The following TBC1D15 variants were observed in gnomAD, a reference collection of about 807,000 sequenced individuals.
The protein encoded by TBC1D15 is GAP for RAB7.
In TBC1D15, 39 loss-of-function variants were observed where a neutral mutation model predicts 95.4. The ratio of observed to expected loss-of-function variants is 0.41; its 90% confidence interval spans 0.32 to 0.53. The LOEUF is 0.53. Ranked by LOEUF, TBC1D15 falls within the 20% of genes least tolerant of loss-of-function variation. The probability of loss-of-function intolerance (pLI) is 0.29; values close to 1 mark genes in which losing one functional copy is unlikely to be tolerated. For synonymous variants in TBC1D15, 258 were observed against 261.3 expected (o/e 0.99, Z 0.12); for missense variants, 733 against 794.3 (o/e 0.92, Z 0.93).
chr12:71,843,153 C>T (rs577231368), intron 1 of TBC1D15, among the ~76,000 whole-genome samples: 10 of 152,128 alleles, frequency 6.6e-5, no homozygotes, highest in South Asian at 4.2e-4. Flanking sequence ...TGGTGGTACA[C>T]GCCTGTAGTC....
chr12:71,884,748 G>A, intron 4 of TBC1D15, 63 bp from the exon 5 acceptor site: 2 of 1,494,262 alleles, frequency 1.3e-6, no homozygotes, highest in South Asian at 1.2e-5. Context: ...GTCATGGAGA[G>A]CACTGTCAGT....
intron 1 of TBC1D15, among the ~76,000 whole-genome samples, chr12:71,841,942 A>C (rs1291028704): frequency 6.6e-6 from 1 of 152,194 alleles, no homozygotes; most frequent in Non-Finnish European, 1.5e-5. Flanking sequence ...TCTTTAGGAA[A>C]GGGGATGGGG....
intron 11 of TBC1D15, among the ~76,000 whole-genome samples, chr12:71,912,429 C>T (rs1261440688): frequency 6.6e-6 from 1 of 151,986 alleles, no homozygotes; most frequent in African/African-American, 2.4e-5. Context: ...GTTAACAGGA[C>T]TGTGGAAAGA....
chr12:71,861,579 C>G lies in TBC1D15; in HGVS notation c.31-10491C>G, dbSNP rs1172316012. On this transcript the variant is annotated intron_variant, in intron 1 of 16. Coordinates refer to ENST00000485960, the MANE Select transcript of TBC1D15 (RefSeq NM_001146213.3). ...TTTAAATTTCTGATTTTATTTGGGT[C>G]TTTTCACTTTTTTTCTTGGTTTGTA... 3 of 1,269,226 alleles carry G rather than the reference C, an allele frequency of 2.4e-6. No homozygotes were observed. In the African/African-American group the frequency reaches 4.7e-5, roughly 20 times the overall value. The allele number at this position is 1,269,226 out of a possible 1,614,324, so 78.6% of individuals were successfully genotyped here. A position where few individuals can be genotyped will look rare whatever the true frequency, so the allele number is the denominator to read the frequency against.
In TBC1D15 at chr12:71,923,260, C is replaced by A. The variant is rs1566091360; in HGVS notation, c.*56C>A. 9 of 1,556,002 alleles carry A rather than the reference C, an allele frequency of 5.8e-6. No individual in the cohort carries two copies. Among genetic ancestry groups the A allele is most frequent in the Non-Finnish European group, 6.2e-6 (7 of 1,134,114 alleles). On this transcript the variant is annotated 3_prime_UTR_variant, in exon 17 of 17. Transcript: ENST00000485960. ...CTTTGTTGCAACCCTTTTTCAAGTA[C>A]TTGAAAGTTGAAAATTTGAAATCTT...
intron 4 of TBC1D15, among the ~76,000 whole-genome samples, chr12:71,884,005 A>G (rs925351401): frequency 6.6e-6 from 1 of 152,300 alleles, no homozygotes; most frequent in Non-Finnish European, 1.5e-5. Flanking sequence ...GCCGTATTTT[A>G]CATAACTATA....
Position 71,907,156 on chromosome 12 carries a change from C to G in TBC1D15, c.1300+18C>G. ...TGATTTAGGTAAGTTCTCTAAAGTT[C>G]TAATTTTAAAAGATGTAAATATATT... On this transcript the variant is annotated intron_variant, in intron 11 of 16. Transcript: ENST00000485960. 7.0e-7 allele frequency: 1 copy of G among 1,432,340 alleles called. No individual in the cohort carries two copies. Among genetic ancestry groups the G allele is most frequent in the Non-Finnish European group, 9.7e-7 (1 of 1,033,840 alleles). The allele number at this position is 1,432,340 out of a possible 1,614,324, so 88.7% of individuals were successfully genotyped here. A position where few individuals can be genotyped will look rare whatever the true frequency, so the allele number is the denominator to read the frequency against.
intron 3 of TBC1D15, among the ~76,000 whole-genome samples, chr12:71,875,169 G>C (rs1040098317): frequency 2.9e-4 from 44 of 151,544 alleles, no homozygotes; most frequent in African/African-American, 1.1e-3. Flanking sequence ...AAACTCCTGA[G>C]CTCAAGCAGT....
At chr12:71,921,508 T>C (rs752935450) in intron 16 of TBC1D15, 54 bp downstream of exon 16, 195 of 1,104,312 alleles carry the variant, frequency 1.8e-4, no homozygotes, top group Non-Finnish European at 2.3e-4. Context: ...TGGGTTGAGA[T>C]CAAGAAAGAT....
chr12:71,861,015 T>C (rs1232863328), intron 1 of TBC1D15, among the ~76,000 whole-genome samples: 1 of 152,232 alleles, frequency 6.6e-6, no homozygotes, highest in Non-Finnish European at 1.5e-5. Context: ...CATTTATTGA[T>C]TTGCATATGT....
intron 1 of TBC1D15, among the ~76,000 whole-genome samples, chr12:71,864,083 T>C (rs183951424): frequency 6.6e-6 from 1 of 152,270 alleles, no homozygotes; most frequent in Non-Finnish European, 1.5e-5. Context: ...TGCTTTTTTT[T>C]TTTGAGACGG....
Position 71,896,024 on chromosome 12 carries a change from T to C in TBC1D15, c.933T>C (p.Ser311=), listed in dbSNP as rs1225350916. Residue 311 remains serine, a synonymous_variant, in exon 8 of 17, where the codon TCT becomes TCC. Coordinates refer to ENST00000485960, the MANE Select transcript of TBC1D15 (RefSeq NM_001146213.3). ...AAGAATGGACTAAGAACATTGATTC[T>C]GAAGGAAGAATTTTAAATGTAGATA... The part of the protein sequence containing the change: ...SLEEWTKNID[S]EGRILNVDNM... 1.2e-6 allele frequency: 2 copies of C among 1,612,466 alleles called. No individual in the cohort carries two copies. Among genetic ancestry groups the C allele is most frequent in the African/African-American group, 2.7e-5 (2 of 74,978 alleles).
intron 4 of TBC1D15, among the ~76,000 whole-genome samples, chr12:71,883,267 G>A (rs1895582198): frequency 6.6e-6 from 1 of 151,960 alleles, no homozygotes; most frequent in Admixed American, 6.6e-5. Flanking sequence ...TTCTAGAACT[G>A]TTCTCACTTA....
At chr12:71,849,240 T>G in intron 1 of TBC1D15, 1 of 588,780 alleles carries the variant, frequency 1.7e-6, no homozygotes, top group South Asian at 1.9e-5. Flanking sequence ...GTTAGGATAC[T>G]CCTGCCTGAT....
intron 8 of TBC1D15, chr12:71,896,418 A>G (rs972828319): frequency 1.7e-5 from 8 of 458,020 alleles, no homozygotes; most frequent in African/African-American, 1.2e-4. Flanking sequence ...GCTTAGACTC[A>G]CCAGTCACAC....
At chr12:71,873,647 CT>C (rs1301403030) in intron 3 of TBC1D15, among the ~76,000 whole-genome samples, 1 of 152,172 alleles carries the variant, frequency 6.6e-6, no homozygotes, top group Non-Finnish European at 1.5e-5. Flanking sequence ...AACTGCCACA[CT>C]TTTTCAGAGC....
intron 7 of TBC1D15, among the ~76,000 whole-genome samples, chr12:71,895,246 T>C (rs552999998): frequency 3.9e-5 from 6 of 152,206 alleles, no homozygotes; most frequent in African/African-American, 1.4e-4. Context: ...ATACTACTTT[T>C]AGGGCTTTTA....
At chr12:71,878,033 G>T (rs531567860) in intron 3 of TBC1D15, among the ~76,000 whole-genome samples, 98 of 152,114 alleles carry the variant, frequency 6.4e-4, no homozygotes, top group Non-Finnish European at 1.1e-3. Flanking sequence ...CTGTTTCCTT[G>T]GAGAATCCCT....
chr12:71,889,826 G>C (rs1896899153), intron 5 of TBC1D15, among the ~76,000 whole-genome samples: 1 of 152,136 alleles, frequency 6.6e-6, no homozygotes. Flanking sequence ...GGTGTCTGTT[G>C]TTCCTCTCTT....
Sources: allele counts gnomAD v4.1 joint callset (sites outside exome capture counted in the v4.1 genomes callset), GRCh38; gene constraint gnomAD v4.1.1; transcripts MANE v1.5; gene names NCBI Gene and HGNC (gene_info 2026-07-23, HGNC 2026-07-21).